Variants in EPB41L5 observed in about 807,000 individuals in gnomAD.
EPB41L5 encodes band 4.1-like protein 5.
EPB41L5 carries 55 observed loss-of-function variants against 106.6 expected under a neutral mutation model. The ratio of observed to expected loss-of-function variants is 0.52; its 90% CI spans 0.42 to 0.65. The LOEUF (loss-of-function observed/expected upper bound fraction) is 0.65, where lower values mean the gene tolerates loss of function less well. Ranked by LOEUF, EPB41L5 falls within the 30% of genes least tolerant of loss-of-function variation. The pLI is 0.00. For missense variants in EPB41L5, 871 were observed against 882.1 expected, an observed-to-expected ratio of 0.99 and a Z score of 0.16; for synonymous variants, 297 against 306.7, an observed-to-expected ratio of 0.97 and a Z score of 0.33.
At chr2:120,134,877 C>A (rs895005444) in intron 18 of EPB41L5, among the ~76,000 whole-genome samples, 1 of 151,958 alleles carries the variant, frequency 6.6e-6, no homozygotes. Flanking sequence ...ACAATAAATA[C>A]CCAACTCTTT....
intron 14 of EPB41L5, among the ~76,000 whole-genome samples, chr2:120,095,464 C>G (rs996586616): frequency 6.6e-6 from 1 of 151,190 alleles, no homozygotes; most frequent in Non-Finnish European, 1.5e-5. Flanking sequence ...TTGATGGTGT[C>G]CTACAGGTCT....
chr2:120,147,022 G>T (rs1686435039), intron 20 of EPB41L5, among the ~76,000 whole-genome samples: 4 of 152,168 alleles, frequency 2.6e-5, no homozygotes, highest in Non-Finnish European at 5.9e-5. Flanking sequence ...TTGGTGATCA[G>T]GGTAAAGCTA....
intron 10 of EPB41L5, among the ~76,000 whole-genome samples, chr2:120,081,133 T>C (rs1412246869): frequency 2.0e-5 from 3 of 152,228 alleles, no homozygotes; most frequent in Non-Finnish European, 4.4e-5. Context: ...TTTGTCAATT[T>C]TGGCTTTTGT....
chr2:120,049,710 T>A (rs1365590958), intron 3 of EPB41L5, among the ~76,000 whole-genome samples: 1 of 152,140 alleles, frequency 6.6e-6, no homozygotes, highest in Non-Finnish European at 1.5e-5. Flanking sequence ...GTCATTGTGA[T>A]GTTAGCTGGT....
intron 13 of EPB41L5, among the ~76,000 whole-genome samples, chr2:120,092,068 G>C (rs2105370281): frequency 6.6e-6 from 1 of 150,710 alleles, no homozygotes; most frequent in South Asian, 2.1e-4. Context: ...TCACTCTGTT[G>C]CTCAGGTTGG....
chr2:120,157,940 A>G (rs890419234), intron 20 of EPB41L5, among the ~76,000 whole-genome samples: 1 of 152,136 alleles, frequency 6.6e-6, no homozygotes, highest in Non-Finnish European at 1.5e-5. Context: ...CCATAGAAAT[A>G]CACATAACTA....
At chr2:120,155,617 C>T (rs1195922100) in intron 20 of EPB41L5, among the ~76,000 whole-genome samples, 1 of 152,038 alleles carries the variant, frequency 6.6e-6, no homozygotes, top group Non-Finnish European at 1.5e-5. Context: ...TTATAGAACT[C>T]CTGTAATACG....
chr2:120,103,520 C>T (rs536646778), intron 16 of EPB41L5, among the ~76,000 whole-genome samples: 1 of 152,300 alleles, frequency 6.6e-6, no homozygotes, highest in African/African-American at 2.4e-5. Flanking sequence ...TGTAAAATTA[C>T]ATGGCCTCTG....
intron 22 of EPB41L5, 55 bp from the exon 23 acceptor site, chr2:120,167,411 T>C (rs1687464110): frequency 1.4e-6 from 2 of 1,431,890 alleles, no homozygotes; most frequent in African/African-American, 1.4e-5. Flanking sequence ...ATTATAAGTA[T>C]GAAAATAAGT....
At chr2:120,159,226 C>A (rs1315842866) in intron 20 of EPB41L5, among the ~76,000 whole-genome samples, 3 of 149,430 alleles carry the variant, frequency 2.0e-5, no homozygotes, top group Non-Finnish European at 4.4e-5. Flanking sequence ...AGATCGAGAT[C>A]ATCCTGGCTA....
In EPB41L5 at chr2:120,167,991, G is replaced by A. The variant is rs1401839802; in HGVS notation, c.2119G>A (p.Val707Ile). Residue 707 changes from valine (V) to isoleucine (I), a missense_variant, in exon 24 of 25, where the codon GTA becomes ATA. Physicochemically the swap from Val to Ile is conservative, Grantham distance 29 (BLOSUM62 3). Coordinates refer to ENST00000263713, the MANE Select transcript of EPB41L5 (RefSeq NM_020909.4). ...SLISPPAPFL[V>I]DAVTSSGPIL... is the part of the protein sequence containing the mutation. ...GATCTCTCCCCCAGCGCCATTCTTG[G>A]TAGATGCTGTGACCAGGTGAGAAAA... 4 of 1,614,100 alleles carry A rather than the reference G, an allele frequency of 2.5e-6. No individual in the cohort carries two copies. In the South Asian group the frequency reaches 4.4e-5, roughly 18 times the overall value.
chr2:120,017,949 A>C (rs1574460026), intron 1 of EPB41L5, among the ~76,000 whole-genome samples: 1 of 140,944 alleles, frequency 7.1e-6, no homozygotes, highest in African/African-American at 2.6e-5. Context: ...GGCACCCGCC[A>C]CCACACCCGG....
At chr2:120,168,899 G>A (rs967531415) in intron 24 of EPB41L5, among the ~76,000 whole-genome samples, 1 of 152,162 alleles carries the variant, frequency 6.6e-6, no homozygotes, top group African/African-American at 2.4e-5. Flanking sequence ...TAGTAAAAGA[G>A]TGCTTTATAC....
intron 24 of EPB41L5, 149 bp downstream of exon 24, chr2:120,168,156 A>C: frequency 1.1e-6 from 1 of 943,904 alleles, no homozygotes; most frequent in Non-Finnish European, 1.5e-6. Context: ...TTTGTTATTT[A>C]GTGTAGTGGC....
intron 20 of EPB41L5, among the ~76,000 whole-genome samples, chr2:120,157,844 T>C (rs1686967448): frequency 6.9e-6 from 1 of 144,432 alleles, no homozygotes; most frequent in East Asian, 2.0e-4. Flanking sequence ...GAAAAAATAA[T>C]AGACCGCTAG....
intron 20 of EPB41L5, among the ~76,000 whole-genome samples, chr2:120,153,496 A>G (rs1276832315): frequency 1.3e-5 from 2 of 152,272 alleles, no homozygotes; most frequent in African/African-American, 2.4e-5. Flanking sequence ...TATGTTCATT[A>G]GGGCTCATTG....
Position 120,143,058 on chromosome 2 carries a change from G to A in EPB41L5, c.1655G>A (p.Gly552Glu), listed in dbSNP as rs772662688. ...CTTAATAATGTCATTGAGAGCCCAG[G>A]ATTGAATGTCATGAGAGTTCCTCCT... ...KCLNNVIESP[G>E]LNVMRVPPDF... The change falls in exon 19 of 25, where the codon GGA becomes GAA. Residue 552 changes from glycine to glutamate, a missense_variant. Gly to Glu is a moderately conservative substitution (Grantham distance 98). Coordinates refer to ENST00000263713, the MANE Select transcript of EPB41L5 (RefSeq NM_020909.4). 6.2e-7 allele frequency: 1 copy of A among 1,612,974 alleles called. No individual in the cohort carries two copies. Among genetic ancestry groups the A allele is most frequent in the South Asian group, 1.1e-5 (1 of 90,976 alleles).
intron 20 of EPB41L5, among the ~76,000 whole-genome samples, chr2:120,158,290 A>G (rs1686987626): frequency 6.6e-6 from 1 of 152,222 alleles, no homozygotes; most frequent in Admixed American, 6.5e-5. Flanking sequence ...CAATGACACA[A>G]CAAAGAAAGA....
At position 120,127,704 on chromosome 2, in the gene EPB41L5, G is replaced by T. The variant is rs780857353; in HGVS notation, c.1354G>T (p.Asp452Tyr). 3.7e-5 allele frequency: 59 copies of T among 1,604,682 alleles called. No individual in the cohort carries two copies. The highest frequency in any genetic ancestry group is 7.7e-6 in the Non-Finnish European group (9 of 1,174,472). Residue 452 changes from aspartate to tyrosine, a missense_variant, in exon 17 of 25, where the codon GAT (aspartate) becomes TAT (tyrosine). Coordinates refer to ENST00000263713, the MANE Select transcript of EPB41L5 (RefSeq NM_020909.4). ...HDRKCIPLNIDLLNSPDLLEA... is the reference protein window; with the variant it reads ...HDRKCIPLNIYLLNSPDLLEA... ...CCATTGCAGCATTCCTCTGAATATT[G>T]ATTTGCTGAATAGCCCAGACTTATT...
Sources: gnomAD v4.1 joint callset for allele counts (sites outside exome capture counted in the v4.1 genomes callset) on GRCh38, gnomAD v4.1.1 for gene constraint, MANE v1.5 for transcripts, NCBI Gene and HGNC (gene_info 2026-07-23, HGNC 2026-07-21) for gene names.